RASGRF1: variants seen among roughly 807,000 people sequenced by gnomAD.
RASGRF1 encodes the protein Ras protein specific guanine nucleotide releasing factor 1.
Under a neutral mutation model 138.7 loss-of-function variants are expected in RASGRF1, and 40 were observed. The ratio of observed to expected loss-of-function variants is 0.29; its 90% confidence interval spans 0.22 to 0.38. The LOEUF (loss-of-function observed/expected upper bound fraction) is 0.38, where lower values mean the gene tolerates loss of function less well. Among genes scored for constraint, RASGRF1 ranks in the 10% least tolerant of loss-of-function variants. The pLI is 1.00. For missense variants in RASGRF1, 1,108 were observed against 1,650.4 expected (o/e 0.67, Z 5.69); for synonymous variants, 614 against 663.2 (o/e 0.93, Z 1.14).
chr15:78,991,068 A>C (rs1274978120), intron 21 of RASGRF1, among the ~76,000 whole-genome samples: 4 of 152,258 alleles, frequency 2.6e-5, no homozygotes, highest in Non-Finnish European at 2.9e-5. Context: ...ATTTGTTGCA[A>C]GGATGTTTAC....
At position 79,009,477 on chromosome 15, in the gene RASGRF1, A is replaced by G. The variant is rs529514070; in HGVS notation, c.1827-3043T>C. Among the ~76,000 whole-genome samples, 241 of 152,282 alleles carry G rather than the reference A, an allele frequency of 1.6e-3. 2 individuals are homozygous for G. Among genetic ancestry groups the G allele is most frequent in the African/African-American group, 5.4e-3 (226 of 41,560 alleles). Reference sequence around the variant, plus strand: ...GGGCTGCATGTTTCAGAGGGAGAGTACAGCTACTCCCATGTCACGGATCCC... The same window carrying G: ...GGGCTGCATGTTTCAGAGGGAGAGTGCAGCTACTCCCATGTCACGGATCCC... On this transcript the variant is annotated intron_variant, in intron 13 of 26. Coordinates refer to ENST00000558480, the MANE Select transcript of RASGRF1 (RefSeq NM_001145648.3).
chr15:79,028,312 G>GAA, intron 8 of RASGRF1, among the ~76,000 whole-genome samples: 1 of 152,178 alleles, frequency 6.6e-6, no homozygotes, highest in Middle Eastern at 3.4e-3. Flanking sequence ...CAGGGCCTTT[G>GAA]CACTTGCTGT....
At chr15:78,990,968 G>T (rs2056256662) in intron 21 of RASGRF1, among the ~76,000 whole-genome samples, 1 of 152,226 alleles carries the variant, frequency 6.6e-6, no homozygotes, top group African/African-American at 2.4e-5. Context: ...GTGCCAGGTG[G>T]GGCTGAGGCC....
intron 11 of RASGRF1, among the ~76,000 whole-genome samples, chr15:79,018,263 A>G (rs770133771): frequency 3.3e-5 from 5 of 152,232 alleles, no homozygotes; most frequent in Non-Finnish European, 7.3e-5. Context: ...CAGGGCTAGA[A>G]TGGGCCTCTC....
chr15:79,020,744 T>C lies in RASGRF1; in HGVS notation c.1543-640A>G, dbSNP rs376900687. 1.2e-4 allele frequency among the ~76,000 whole-genome samples: 19 copies of C among 152,310 alleles called. No individual in the cohort carries two copies. The East Asian group carries it at 3.7e-3, about 29-fold the overall frequency. ...CTCTTGGGTAGGAGGTCCCTTAACA[T>C]TGTAGTGAGAAATAAGAGTGGCCAC... On this transcript the variant is annotated intron_variant, in intron 10 of 26. Coordinates refer to ENST00000558480, the MANE Select transcript of RASGRF1 (RefSeq NM_001145648.3).
chr15:78,965,385 C>G (rs1002891048), intron 26 of RASGRF1, among the ~76,000 whole-genome samples: 16 of 152,130 alleles, frequency 1.1e-4, no homozygotes, highest in African/African-American at 3.1e-4. Flanking sequence ...CATTAGACCC[C>G]CTCAACAGGC....
At chr15:79,067,029 T>A (rs988542628) in intron 1 of RASGRF1, among the ~76,000 whole-genome samples, 5 of 152,208 alleles carry the variant, frequency 3.3e-5, no homozygotes, top group Non-Finnish European at 7.3e-5. Flanking sequence ...TGGGCTACTG[T>A]CACAGTCTCC....
At chr15:79,069,427 A>G (rs2057725358) in intron 1 of RASGRF1, among the ~76,000 whole-genome samples, 1 of 152,206 alleles carries the variant, frequency 6.6e-6, no homozygotes. Context: ...GTCTTTGGTT[A>G]GTGAGGATCT....
At chr15:78,965,759 G>C in intron 26 of RASGRF1, among the ~76,000 whole-genome samples, 1 of 152,208 alleles carries the variant, frequency 6.6e-6, no homozygotes, top group Non-Finnish European at 1.5e-5. Flanking sequence ...GCTGAGGCTG[G>C]ATAATCACTT....
At chr15:79,005,051 T>C in intron 14 of RASGRF1, 1 of 985,472 alleles carries the variant, frequency 1.0e-6, no homozygotes, top group Non-Finnish European at 1.2e-6. Flanking sequence ...CCCCTGGGAA[T>C]GATCTCAGTG....
intron 9 of RASGRF1, among the ~76,000 whole-genome samples, chr15:79,026,463 C>A (rs1346503473): frequency 6.6e-6 from 1 of 152,196 alleles, no homozygotes; most frequent in Admixed American, 6.5e-5. Context: ...CTGCGTTTGT[C>A]CCCTCATGAC....
chr15:79,012,477 C>T lies in RASGRF1; in HGVS notation c.1826+2850G>A, dbSNP rs748974652. The T allele has an allele frequency of 8.4e-6, 13 of 1,542,872 alleles. No homozygotes were observed. In the East Asian group the frequency reaches 1.1e-4, roughly 13 times the overall value. On this transcript the variant is annotated intron_variant, in intron 13 of 26. Transcript: ENST00000558480. ...CACTAAACGATGAATTTCCCGAGGA[C>T]GGAGACCCCACCTGCTCATTTCTGC...
At chr15:78,987,784 G>A (rs116835089) in intron 22 of RASGRF1, among the ~76,000 whole-genome samples, 38 of 152,292 alleles carry the variant, frequency 2.5e-4, no homozygotes, top group African/African-American at 9.1e-4. Flanking sequence ...ATTCCATGCT[G>A]TTGTGGAGAG....
At chr15:79,056,039 A>G (rs1281042780) in intron 3 of RASGRF1, among the ~76,000 whole-genome samples, 1 of 152,198 alleles carries the variant, frequency 6.6e-6, no homozygotes. Context: ...CCATGGGAGC[A>G]GACAGCAGGG....
intron 22 of RASGRF1, among the ~76,000 whole-genome samples, chr15:78,987,719 A>C (rs1015964314): frequency 4.6e-5 from 7 of 151,616 alleles, no homozygotes; most frequent in Non-Finnish European, 8.9e-5. Flanking sequence ...CAAAACAAAA[A>C]AAACCAAAAA....
intron 1 of RASGRF1, among the ~76,000 whole-genome samples, chr15:79,088,952 C>T (rs990506514): frequency 6.6e-6 from 1 of 152,238 alleles, no homozygotes; most frequent in Admixed American, 6.5e-5. Flanking sequence ...TATCTCCTAA[C>T]ACCCATTGGC....
rs543991952 is a variant in RASGRF1 at position 79,031,529 on chromosome 15, G to A, written c.1153-20C>T. 9.5e-6 allele frequency: 15 copies of A among 1,575,130 alleles called. No homozygotes were observed. Among genetic ancestry groups the A allele is most frequent in the South Asian group, 3.4e-5 (3 of 89,096 alleles). ...GGGGATCTGCGGGCAGGTGGGAGAG[G>A]TGAGGGTGGAGAAAGAGCCAGGGAA... On this transcript the variant is annotated intron_variant, in intron 7 of 26. Transcript: ENST00000558480.
At chr15:79,052,205 G>T (rs568915034) in intron 3 of RASGRF1, among the ~76,000 whole-genome samples, 3 of 152,092 alleles carry the variant, frequency 2.0e-5, no homozygotes, top group Non-Finnish European at 4.4e-5. Context: ...TGCTACACCT[G>T]CTTTGGGCAC....
At chr15:79,051,744 T>C (rs547226907) in intron 3 of RASGRF1, among the ~76,000 whole-genome samples, 1 of 152,330 alleles carries the variant, frequency 6.6e-6, no homozygotes, top group East Asian at 1.9e-4. Context: ...GGCACCATCC[T>C]ACATGCGCAG....
Sources: gnomAD v4.1 joint callset for allele counts (sites outside exome capture counted in the v4.1 genomes callset) on GRCh38, gnomAD v4.1.1 for gene constraint, MANE v1.5 for transcripts, NCBI Gene and HGNC (gene_info 2026-07-23, HGNC 2026-07-21) for gene names.